Variants in PCDH15 observed in about 807,000 individuals in gnomAD.
PCDH15 encodes protocadherin-15.
PCDH15 carries 129 observed loss-of-function variants against 178.5 expected under a neutral mutation model. That is an observed-to-expected ratio of 0.72 (90% CI 0.63 to 0.84). The LOEUF (loss-of-function observed/expected upper bound fraction) is 0.84. Ranked by LOEUF, PCDH15 falls within the 40% of genes least tolerant of loss-of-function variation. The probability of loss-of-function intolerance (pLI) is 0.00; values close to 1 mark genes in which losing one functional copy is unlikely to be tolerated. For missense variants in PCDH15, 2,230 were observed against 2,099.9 expected, an observed-to-expected ratio of 1.06 and a Z score of -1.21; for synonymous variants, 800 against 732.0, an observed-to-expected ratio of 1.09 and a Z score of -1.50.
At chr10:53,882,357 C>T (rs1287017047) in intron 26 of PCDH15, among the ~76,000 whole-genome samples, 8 of 152,318 alleles carry the variant, frequency 5.3e-5, no homozygotes, top group South Asian at 2.1e-4. Flanking sequence ...CTTCCACACT[C>T]GTGATGGCCC....
At chr10:55,539,909 A>G (rs1212718741) in intron 2 of PCDH15, among the ~76,000 whole-genome samples, 1 of 152,080 alleles carries the variant, frequency 6.6e-6, no homozygotes, top group Non-Finnish European at 1.5e-5. Context: ...AATCCTCACA[A>G]TTCTTTGAGT....
intron 2 of PCDH15, among the ~76,000 whole-genome samples, chr10:54,564,208 A>G (rs1344312954): frequency 6.6e-6 from 1 of 152,182 alleles, no homozygotes. Context: ...TATCCACTTC[A>G]AATGATTATA....
At chr10:53,966,844 A>G (rs1390690061) in intron 21 of PCDH15, among the ~76,000 whole-genome samples, 4 of 151,426 alleles carry the variant, frequency 2.6e-5, no homozygotes, top group African/African-American at 4.8e-5. Flanking sequence ...GAGTTTATGA[A>G]TTATATATTT....
intron 37 of PCDH15, chr10:53,808,330 G>GTATGTATATA (rs2075734837): frequency 5.0e-6 from 1 of 201,310 alleles, no homozygotes; most frequent in African/African-American, 2.6e-5. Flanking sequence ...GTGTGTGTGT[G>GTATGTATATA]TATATATATA....
chr10:55,307,665 A>T (rs1006539758), intron 1 of PCDH15, among the ~76,000 whole-genome samples: 5 of 151,150 alleles, frequency 3.3e-5, no homozygotes, highest in African/African-American at 1.2e-4. Flanking sequence ...TTGTTATATC[A>T]CAAAGAGATT....
chr10:54,537,039 C>T (rs1589965560), intron 2 of PCDH15, among the ~76,000 whole-genome samples: 1 of 139,376 alleles, frequency 7.2e-6, no homozygotes, highest in South Asian at 2.4e-4. Context: ...CTCTCTCTCG[C>T]CCAGGCTGGA....
intron 3 of PCDH15, among the ~76,000 whole-genome samples, chr10:54,806,369 A>C (rs1381455586): frequency 1.3e-5 from 2 of 152,138 alleles, no homozygotes; most frequent in African/African-American, 4.8e-5. Flanking sequence ...CACAGGCTCT[A>C]ATCAAGGTAT....
At chr10:54,482,635 G>A (rs1260472529) in intron 3 of PCDH15, among the ~76,000 whole-genome samples, 1 of 151,730 alleles carries the variant, frequency 6.6e-6, no homozygotes, top group East Asian at 1.9e-4. Flanking sequence ...ATGGGAATGA[G>A]GTTGGGATAT....
intron 3 of PCDH15, among the ~76,000 whole-genome samples, chr10:54,874,884 C>T (rs1165305065): frequency 6.6e-6 from 1 of 152,058 alleles, no homozygotes; most frequent in African/African-American, 2.4e-5. Flanking sequence ...AAATCACAGC[C>T]ATGAGAAATC....
intron 2 of PCDH15, among the ~76,000 whole-genome samples, chr10:54,969,230 A>G (rs1458457118): frequency 6.6e-6 from 1 of 152,130 alleles, no homozygotes; most frequent in African/African-American, 2.4e-5. Context: ...ATGTTGTGCT[A>G]GGAGAGAGGC....
intron 3 of PCDH15, among the ~76,000 whole-genome samples, chr10:54,409,271 G>C (rs538885198): frequency 1.3e-5 from 2 of 152,232 alleles, no homozygotes; most frequent in South Asian, 4.1e-4. Context: ...ATATACTATA[G>C]CAGATCAGTT....
intron 1 of PCDH15, among the ~76,000 whole-genome samples, chr10:54,673,013 A>C (rs935980206): frequency 6.6e-6 from 1 of 152,024 alleles, no homozygotes; most frequent in Middle Eastern, 3.4e-3. Flanking sequence ...TACATTCCTA[A>C]TTTTTTTTCT....
At chr10:54,121,527 A>G (rs1258729486) in intron 15 of PCDH15, among the ~76,000 whole-genome samples, 1 of 152,256 alleles carries the variant, frequency 6.6e-6, no homozygotes, top group African/African-American at 2.4e-5. Context: ...CTTTGACAGG[A>G]TAAACAAGAT....
rs1056973760 is a variant in PCDH15 at position 53,803,121 on chromosome 10, G to T, written c.*3458C>A. The T allele has an allele frequency of 1.3e-5, 2 of 151,828 alleles. No individual in the cohort carries two copies. The highest frequency in any genetic ancestry group is 1.9e-4 in the East Asian group (1 of 5,186). The allele number at this position is 151,828 out of a possible 1,614,324, so 9.4% of individuals were successfully genotyped here. A position where few individuals can be genotyped will look rare whatever the true frequency, so the allele number is the denominator to read the frequency against. On this transcript the variant is annotated 3_prime_UTR_variant, in exon 38 of 38. Coordinates refer to ENST00000644397, the MANE Select transcript of PCDH15 (RefSeq NM_001384140.1). Reference sequence around the variant, plus strand: ...TTCACATACCATTTGGGAATAGAAAGAAACTATCTATAAAATGTGTAAGTC... The same window carrying T: ...TTCACATACCATTTGGGAATAGAAATAAACTATCTATAAAATGTGTAAGTC...
At chr10:54,659,390 G>A (rs2094455937) in intron 2 of PCDH15, among the ~76,000 whole-genome samples, 1 of 152,124 alleles carries the variant, frequency 6.6e-6, no homozygotes, top group Non-Finnish European at 1.5e-5. Flanking sequence ...CTTAAGGCAA[G>A]TCTCAATAAT....
chr10:55,119,100 T>C (rs894907616), intron 2 of PCDH15, among the ~76,000 whole-genome samples: 1 of 152,150 alleles, frequency 6.6e-6, no homozygotes, highest in Admixed American at 6.5e-5. Flanking sequence ...CCTCTGTAGG[T>C]AGAAATTGCA....
Position 55,540,193 on chromosome 10 carries a change from G to A in PCDH15, c.-156+87432C>T, listed in dbSNP as rs959304947. Among the ~76,000 whole-genome samples the A allele has an allele frequency of 2.0e-5, 3 of 151,798 alleles. No homozygotes were observed. In the East Asian group the frequency reaches 5.8e-4, roughly 29 times the overall value. On this transcript the variant is annotated intron_variant, in intron 2 of 5. Coordinates refer to the PCDH15 transcript ENST00000613346. ...GAGTAGACTACCTTCTGTGAGATTC[G>A]CTTTTTAAAAATAAATGCATCTTCA... is the stretch of plus-strand genomic sequence containing the variant.
intron 1 of PCDH15, among the ~76,000 whole-genome samples, chr10:54,751,620 T>C (rs775780897): frequency 6.6e-6 from 1 of 152,226 alleles, no homozygotes; most frequent in Non-Finnish European, 1.5e-5. Context: ...GCCAATTTAC[T>C]ATCTAGAAAA....
intron 3 of PCDH15, among the ~76,000 whole-genome samples, chr10:54,513,466 C>T (rs2081912883): frequency 6.6e-6 from 1 of 151,934 alleles, no homozygotes; most frequent in Non-Finnish European, 1.5e-5. Context: ...TACACACAAA[C>T]ACACCAGTAT....
Sources: gnomAD v4.1 joint callset for allele counts (sites outside exome capture counted in the v4.1 genomes callset) on GRCh38, gnomAD v4.1.1 for gene constraint, MANE v1.5 for transcripts, NCBI Gene and HGNC (gene_info 2026-07-23, HGNC 2026-07-21) for gene names.